Variants in SUGT1 observed in about 807,000 individuals in gnomAD.
SUGT1 encodes the protein protein SGT1 homolog.
A neutral mutation model predicts 56.1 loss-of-function variants in SUGT1; 15 were observed. The ratio of observed to expected loss-of-function variants is 0.27; its 90% CI spans 0.18 to 0.41. The LOEUF is 0.41. Ranked by LOEUF, SUGT1 falls within the 10% of genes least tolerant of loss-of-function variation. The pLI is 1.00. For missense variants in SUGT1, 347 were observed against 382.2 expected (o/e 0.91, Z 0.77); for synonymous variants, 123 against 128.6 (o/e 0.96, Z 0.30).
chr13:52,667,465 C>T (rs1962757068), intron 10 of SUGT1, among the ~76,000 whole-genome samples: 1 of 152,134 alleles, frequency 6.6e-6, no homozygotes, highest in South Asian at 2.1e-4. Context: ...CTGCTTCAGC[C>T]TCCCAAGTAG....
intron 3 of SUGT1, 33 bp downstream of exon 3, chr13:52,657,655 T>C (rs549516637): frequency 6.4e-7 from 1 of 1,564,206 alleles, no homozygotes; most frequent in Admixed American, 1.8e-5. Context: ...TTGCCCCCTT[T>C]TAATAAGTTA....
In SUGT1 at chr13:52,700,148, A is replaced by T. The variant is rs1964041190; in HGVS notation, c.*12313A>T. 1 of 152,164 alleles carries T rather than the reference A, an allele frequency of 6.6e-6. No homozygotes were observed. Among genetic ancestry groups the T allele is most frequent in the Non-Finnish European group, 1.5e-5 (1 of 68,008 alleles). The allele number at this position is 152,164 out of a possible 1,614,324, so 9.4% of individuals were successfully genotyped here. A position where few individuals can be genotyped will look rare whatever the true frequency, so the allele number is the denominator to read the frequency against. On this transcript the variant is annotated 3_prime_UTR_variant, in exon 13 of 13. Transcript: ENST00000310528. ...AATTTGGTGTTTTAACCAATGACTT[A>T]ATTTAACTTAGTGGGTATACTGTTC...
intron 10 of SUGT1, among the ~76,000 whole-genome samples, chr13:52,676,026 G>A (rs919633269): frequency 8.5e-5 from 13 of 152,090 alleles, no homozygotes; most frequent in African/African-American, 3.1e-4. Context: ...TATATATAGT[G>A]TGTATGTTGT....
At chr13:52,664,871 A>G (rs1220416663) in intron 8 of SUGT1, among the ~76,000 whole-genome samples, 2 of 152,156 alleles carry the variant, frequency 1.3e-5, no homozygotes, top group African/African-American at 4.8e-5. Context: ...ATATACGTGT[A>G]CCGGACACTG....
chr13:52,655,580 T>A (rs1962126171), intron 2 of SUGT1, among the ~76,000 whole-genome samples: 1 of 152,056 alleles, frequency 6.6e-6, no homozygotes, highest in African/African-American at 2.4e-5. Context: ...GGAGGTGAGT[T>A]GTTTTATGTA....
At chr13:52,660,361 G>T (rs750763177) in intron 5 of SUGT1, among the ~76,000 whole-genome samples, 5 of 152,150 alleles carry the variant, frequency 3.3e-5, no homozygotes, top group Non-Finnish European at 7.3e-5. Context: ...TGGGGGTTGT[G>T]CTACTGACAT....
chr13:52,688,423 G>A lies in SUGT1; in HGVS notation c.*588G>A, dbSNP rs945844336. ...TTAATTGCACTGAGATATTTTGGTC[G>A]TTACCTTGCAAGTTTCTGTATAAAA... On this transcript the variant is annotated 3_prime_UTR_variant, in exon 13 of 13. Transcript: ENST00000310528. The A allele has an allele frequency of 2.0e-5, 3 of 152,106 alleles. No individual in the cohort carries two copies. The highest frequency in any genetic ancestry group is 7.2e-5 in the African/African-American group (3 of 41,432). The allele number at this position is 152,106 out of a possible 1,614,324, so 9.4% of individuals were successfully genotyped here. A position where few individuals can be genotyped will look rare whatever the true frequency, so the allele number is the denominator to read the frequency against.
In SUGT1 at chr13:52,670,885, C is replaced by T. The variant is rs1010689960; in HGVS notation, c.627+3966C>T. Reference sequence around the variant, plus strand: ...GCCCTTGTGGAAATGTTCTTGTATTCTTAAGTCATAGTTAAGTCATAGTAA... The same window carrying T: ...GCCCTTGTGGAAATGTTCTTGTATTTTTAAGTCATAGTTAAGTCATAGTAA... On this transcript the variant is annotated intron_variant, in intron 10 of 12. Transcript: ENST00000310528. Among the ~76,000 whole-genome samples the T allele has an allele frequency of 3.3e-5, 5 of 152,088 alleles. No homozygotes were observed. The East Asian group carries it at 7.7e-4, about 23-fold the overall frequency.
At position 52,694,959 on chromosome 13, in the gene SUGT1, A is replaced by G. The variant is rs1963885849; in HGVS notation, c.*7124A>G. ...CGCCTCGGCCTCCCAAAGTGCTGGG[A>G]TTACAGGCGTGAGCCACCATGCCCA... On this transcript the variant is annotated 3_prime_UTR_variant, in exon 13 of 13. Transcript: ENST00000310528. 6.6e-6 allele frequency: 1 copy of G among 152,298 alleles called. No individual in the cohort carries two copies. The highest frequency in any genetic ancestry group is 2.1e-4 in the South Asian group (1 of 4,830). 9.4% of individuals were successfully genotyped at this position (152,298 alleles called of 1,614,324 possible).
At chr13:52,678,179 C>T (rs542293687) in intron 11 of SUGT1, among the ~76,000 whole-genome samples, 3 of 152,082 alleles carry the variant, frequency 2.0e-5, no homozygotes, top group African/African-American at 4.8e-5. Flanking sequence ...TACCATGGCA[C>T]GCATTTTTTG....
At chr13:52,673,647 A>G (rs1429452597) in intron 10 of SUGT1, among the ~76,000 whole-genome samples, 1 of 152,246 alleles carries the variant, frequency 6.6e-6, no homozygotes, top group Admixed American at 6.5e-5. Flanking sequence ...CAGGTGAAAC[A>G]AGGAACTTTT....
At chr13:52,662,540 C>CGAAGAGGA in intron 5 of SUGT1, 109 bp from the exon 6 acceptor site, 1 of 1,041,468 alleles carries the variant, frequency 9.6e-7, no homozygotes, top group South Asian at 1.7e-5. Flanking sequence ...TCGCTGCCGA[C>CGAAGAGGA]TCCCCAGTGC....
In SUGT1 at chr13:52,662,828, G is replaced by A. The variant is rs1427141185; in HGVS notation, c.382+126G>A. On this transcript the variant is annotated intron_variant, in intron 6 of 12. Transcript: ENST00000310528. Reference sequence around the variant, plus strand: ...TTAAATAGTATACGTTTCCTTAGATGTGGACTTCCAAAGATACACTGGTTT... The same window carrying A: ...TTAAATAGTATACGTTTCCTTAGATATGGACTTCCAAAGATACACTGGTTT... The A allele has an allele frequency of 4.0e-6, 4 of 999,166 alleles. No homozygotes were observed. The Admixed American group carries it at 1.0e-4, about 25-fold the overall frequency. The allele number at this position is 999,166 out of a possible 1,614,324, so 61.9% of individuals were successfully genotyped here. A position where few individuals can be genotyped will look rare whatever the true frequency, so the allele number is the denominator to read the frequency against.
At chr13:52,682,428 T>A (rs377677425) in intron 12 of SUGT1, among the ~76,000 whole-genome samples, 30 of 152,280 alleles carry the variant, frequency 2.0e-4, no homozygotes, top group African/African-American at 7.2e-4. Flanking sequence ...CTCGAACTTC[T>A]GACCTCAAGC....
chr13:52,686,784 G>A (rs1451356760), intron 12 of SUGT1, among the ~76,000 whole-genome samples: 1 of 152,042 alleles, frequency 6.6e-6, no homozygotes, highest in Non-Finnish European at 1.5e-5. Context: ...GAAATATCCA[G>A]ATGGGGCTGG....
At chr13:52,687,494 A>C (rs950815561) in intron 12 of SUGT1, 2 of 247,496 alleles carry the variant, frequency 8.1e-6, no homozygotes, top group Non-Finnish European at 1.5e-5. Context: ...TTTCCTTTTC[A>C]GATTTTATGG....
rs1175522961 is a variant in SUGT1 at position 52,695,250 on chromosome 13, T to C, written c.*7415T>C. On this transcript the variant is annotated 3_prime_UTR_variant, in exon 13 of 13. Coordinates refer to ENST00000310528, the MANE Select transcript of SUGT1 (RefSeq NM_006704.5). The stretch of plus-strand genomic sequence containing the variant: ...GGGGGATGAAACATGCTTAAGAAAT[T>C]GAGTGCATTTCCTTTATTATTGTTA... 1 of 152,166 alleles carries C rather than the reference T, an allele frequency of 6.6e-6. No individual in the cohort carries two copies. The highest frequency in any genetic ancestry group is 2.4e-5 in the African/African-American group (1 of 41,442). The allele number at this position is 152,166 out of a possible 1,614,324, so 9.4% of individuals were successfully genotyped here. A position where few individuals can be genotyped will look rare whatever the true frequency, so the allele number is the denominator to read the frequency against.
In SUGT1 at chr13:52,667,907, T is replaced by C. The variant is rs187812734; in HGVS notation, c.627+988T>C. 2.0e-5 allele frequency among the ~76,000 whole-genome samples: 3 copies of C among 152,102 alleles called. No homozygotes were observed. In the East Asian group the frequency reaches 5.8e-4, roughly 29 times the overall value. ...TGGAGTCCTTTCAGCTGTAGAATTG[T>C]GTGAAGGTATATGATAAATGAGTTA... On this transcript the variant is annotated intron_variant, in intron 10 of 12. Coordinates refer to ENST00000310528, the MANE Select transcript of SUGT1 (RefSeq NM_006704.5).
At chr13:52,675,521 G>A (rs1963107390) in intron 10 of SUGT1, among the ~76,000 whole-genome samples, 1 of 152,140 alleles carries the variant, frequency 6.6e-6, no homozygotes, top group Admixed American at 6.5e-5. Flanking sequence ...AGTCTAGAGT[G>A]AGCTATGATC....
Sources: gnomAD v4.1 joint callset for allele counts (sites outside exome capture counted in the v4.1 genomes callset) on GRCh38, gnomAD v4.1.1 for gene constraint, MANE v1.5 for transcripts, NCBI Gene and HGNC (gene_info 2026-07-23, HGNC 2026-07-21) for gene names.